The following SMYD3 variants were observed in gnomAD, a reference collection of about 807,000 sequenced individuals.
SMYD3 encodes SET and MYND domain containing 3, also known as histone-lysine N-methyltransferase SMYD3.
SMYD3 carries 36 observed loss-of-function variants against 57.7 expected under a neutral mutation model. The observed-to-expected ratio is 0.62, with a 90% CI of 0.48 to 0.82. The LOEUF (loss-of-function observed/expected upper bound fraction) is 0.82. Ranked by LOEUF, SMYD3 falls within the 40% of genes least tolerant of loss-of-function variation. The pLI is 0.00. For synonymous variants in SMYD3, 211 were observed against 195.0 expected (o/e 1.08, Z -0.68); for missense variants, 515 against 538.8 (o/e 0.96, Z 0.44).
intron 1 of SMYD3, among the ~76,000 whole-genome samples, chr1:246,486,790 C>A (rs555038622): frequency 3.3e-5 from 5 of 152,206 alleles, no homozygotes; most frequent in Admixed American, 6.5e-5. Flanking sequence ...AGTAATCTCA[C>A]CACCCCCAAA....
chr1:245,781,807 TA>T (rs2046836829), intron 10 of SMYD3, among the ~76,000 whole-genome samples: 1 of 151,992 alleles, frequency 6.6e-6, no homozygotes, highest in South Asian at 2.1e-4. Flanking sequence ...CCGTCTCCAC[TA>T]AAAGTCCAAA....
At chr1:245,914,238 A>G (rs919651078) in intron 8 of SMYD3, among the ~76,000 whole-genome samples, 3 of 152,200 alleles carry the variant, frequency 2.0e-5, no homozygotes, top group African/African-American at 7.2e-5. Flanking sequence ...TAAAAATAGA[A>G]CTACCATACA....
chr1:246,099,037 T>A (rs2060964368), intron 5 of SMYD3, among the ~76,000 whole-genome samples: 1 of 152,168 alleles, frequency 6.6e-6, no homozygotes, highest in African/African-American at 2.4e-5. Flanking sequence ...CTAACCAGTC[T>A]CCATCTTTAA....
chr1:246,003,860 G>A (rs552189137), intron 5 of SMYD3, among the ~76,000 whole-genome samples: 57 of 152,134 alleles, frequency 3.7e-4, no homozygotes, highest in Admixed American at 9.2e-4. Flanking sequence ...TAATACAGTC[G>A]TGTAAATCTA....
intron 1 of SMYD3, among the ~76,000 whole-genome samples, chr1:246,414,969 G>C (rs1165670671): frequency 6.6e-6 from 1 of 151,974 alleles, no homozygotes; most frequent in Non-Finnish European, 1.5e-5. Flanking sequence ...CACCTGCCTC[G>C]GCCTCCCAAA....
At chr1:245,765,833 G>T (rs546790484) in intron 10 of SMYD3, among the ~76,000 whole-genome samples, 3 of 152,216 alleles carry the variant, frequency 2.0e-5, no homozygotes, top group African/African-American at 7.2e-5. Flanking sequence ...CATGTGCCAG[G>T]CGCTGTTCCA....
At chr1:245,863,691 T>C (rs2051674604) in intron 9 of SMYD3, 108 bp downstream of exon 9, 5 of 904,242 alleles carry the variant, frequency 5.5e-6, no homozygotes, top group African/African-American at 1.7e-5. Context: ...TGAAAACCAC[T>C]GGCTCATGGA....
At chr1:246,082,494 T>G (rs1200181565) in intron 5 of SMYD3, among the ~76,000 whole-genome samples, 1 of 152,054 alleles carries the variant, frequency 6.6e-6, no homozygotes, top group Non-Finnish European at 1.5e-5. Context: ...CCTCCTATGA[T>G]TTTATCCACA....
At chr1:246,187,574 G>A (rs1430374799) in intron 5 of SMYD3, among the ~76,000 whole-genome samples, 1 of 152,132 alleles carries the variant, frequency 6.6e-6, no homozygotes, top group Admixed American at 6.5e-5. Context: ...GCTCCACTGT[G>A]AAAAAACAAG....
intron 5 of SMYD3, among the ~76,000 whole-genome samples, chr1:246,259,718 C>T (rs1200881292): frequency 6.6e-6 from 1 of 152,214 alleles, no homozygotes; most frequent in East Asian, 1.9e-4. Context: ...GCTCCCTGCT[C>T]AGCCCCAAGG....
chr1:245,953,188 T>C, intron 5 of SMYD3: 3 of 967,812 alleles, frequency 3.1e-6, no homozygotes, highest in Non-Finnish European at 3.7e-6. Context: ...GGTCATAATA[T>C]ATATTATCAG....
At chr1:246,110,111 G>A (rs369369002) in intron 5 of SMYD3, among the ~76,000 whole-genome samples, 19 of 152,246 alleles carry the variant, frequency 1.2e-4, no homozygotes, top group African/African-American at 4.3e-4. Flanking sequence ...TGAAACTCTC[G>A]GAAGTGGCAG....
chr1:246,232,448 C>T (rs1282830059), intron 5 of SMYD3, among the ~76,000 whole-genome samples: 1 of 152,262 alleles, frequency 6.6e-6, no homozygotes, highest in East Asian at 1.9e-4. Flanking sequence ...ATACCATATA[C>T]CACAGAGAGG....
intron 5 of SMYD3, among the ~76,000 whole-genome samples, chr1:246,119,258 A>G (rs1000886508): frequency 2.6e-5 from 4 of 152,012 alleles, no homozygotes; most frequent in African/African-American, 7.2e-5. Context: ...TTGGCCTCCT[A>G]AAGTGCTGGG....
intron 5 of SMYD3, among the ~76,000 whole-genome samples, chr1:246,061,556 TAA>T (rs1367550594): frequency 5.7e-5 from 8 of 139,252 alleles, no homozygotes; most frequent in African/African-American, 5.3e-5. Context: ...CATCTCTACT[TAA>T]AAAAAAAAAA....
intron 11 of SMYD3, among the ~76,000 whole-genome samples, chr1:245,751,609 AG>A (rs1435980977): frequency 3.1e-5 from 4 of 128,950 alleles, no homozygotes; most frequent in African/African-American, 1.1e-4. Context: ...AGAGAGAGAA[AG>A]AGAGAGAGAA....
intron 7 of SMYD3, among the ~76,000 whole-genome samples, chr1:245,918,813 C>A (rs1279978912): frequency 6.6e-6 from 1 of 152,138 alleles, no homozygotes; most frequent in South Asian, 2.1e-4. Context: ...TGAATCCAGC[C>A]CAATGGCTCT....
At chr1:245,946,938 T>C (rs1188839391) in intron 5 of SMYD3, among the ~76,000 whole-genome samples, 1 of 152,176 alleles carries the variant, frequency 6.6e-6, no homozygotes, top group Non-Finnish European at 1.5e-5. Flanking sequence ...GCCATATTTC[T>C]TTGTTAAGTC....
At chr1:246,447,734 A>G (rs1280957764) in intron 1 of SMYD3, among the ~76,000 whole-genome samples, 1 of 152,220 alleles carries the variant, frequency 6.6e-6, no homozygotes, top group Non-Finnish European at 1.5e-5. Flanking sequence ...ACCTTCTCCC[A>G]GTTAGAAGCA....
Sources: gnomAD v4.1 joint callset for allele counts (sites outside exome capture counted in the v4.1 genomes callset) on GRCh38, gnomAD v4.1.1 for gene constraint, MANE v1.5 for transcripts, NCBI Gene and HGNC (gene_info 2026-07-23, HGNC 2026-07-21) for gene names.